DCDC2C: variants seen among roughly 807,000 people sequenced by gnomAD.
The protein encoded by DCDC2C is doublecortin domain-containing protein 2C.
Under a neutral mutation model 45.0 loss-of-function variants are expected in DCDC2C, and 44 were observed. That is an observed-to-expected ratio of 0.98 (90% CI 0.77 to 1.26). The LOEUF is 1.26. Among genes scored for constraint, DCDC2C ranks in the 50% most tolerant of loss-of-function variants. The pLI, the probability that DCDC2C is intolerant of heterozygous loss-of-function variation, is 0.00. For synonymous variants in DCDC2C, 187 were observed against 178.8 expected (o/e 1.05, Z -0.37); for missense variants, 447 against 468.9 (o/e 0.95, Z 0.43).
chr2:3,803,091 A>G (rs1182283806), intron 10 of DCDC2C, among the ~76,000 whole-genome samples: 5 of 152,172 alleles, frequency 3.3e-5, no homozygotes, highest in African/African-American at 7.2e-5. Flanking sequence ...TTCCATGCCA[A>G]TAGTTGATAT....
intron 10 of DCDC2C, among the ~76,000 whole-genome samples, chr2:3,825,515 C>G (rs1671793412): frequency 6.6e-6 from 1 of 152,052 alleles, no homozygotes; most frequent in South Asian, 2.1e-4. Context: ...GTTTTCTTTC[C>G]AAGTTAAAGC....
chr2:3,735,566 C>T (rs1329989079), intron 3 of DCDC2C, among the ~76,000 whole-genome samples: 4 of 152,092 alleles, frequency 2.6e-5, no homozygotes, highest in Non-Finnish European at 4.4e-5. Flanking sequence ...GAATTTTACC[C>T]GCATCAGATT....
chr2:3,704,057 CCCACGCGCCCT>C lies in DCDC2C; in HGVS notation c.287+20_287+30del. 1 of 1,245,572 alleles carries C rather than the reference CCCACGCGCCCT, an allele frequency of 8.0e-7. No individual in the cohort carries two copies. The highest frequency in any genetic ancestry group is 3.3e-5 in the South Asian group (1 of 30,170). 77.2% of individuals were successfully genotyped at this position (1,245,572 alleles called of 1,614,324 possible). On this transcript the variant is annotated intron_variant, in intron 1 of 10. Transcript: ENST00000399143. ...AGCTCGAGTAAGTGCGCCCGCGCCCCCCACGCGCCCTGCGCCCCTCCCCGCCCTCTTGGGTC... is the reference window on the plus strand; with the variant it reads ...AGCTCGAGTAAGTGCGCCCGCGCCCCGCGCCCCTCCCCGCCCTCTTGGGTC...
At chr2:3,815,975 G>GTT (rs1191454444) in intron 10 of DCDC2C, among the ~76,000 whole-genome samples, 4 of 152,156 alleles carry the variant, frequency 2.6e-5, no homozygotes, top group Non-Finnish European at 4.4e-5. Context: ...ACAAAACAGT[G>GTT]TTGAAGCATT....
At chr2:3,828,264 A>G (rs953092145) in intron 10 of DCDC2C, among the ~76,000 whole-genome samples, 2 of 152,158 alleles carry the variant, frequency 1.3e-5, no homozygotes, top group Non-Finnish European at 2.9e-5. Flanking sequence ...GACAAAGGTG[A>G]CAATAGAAAC....
chr2:3,724,068 A>C (rs1668568452), intron 2 of DCDC2C, among the ~76,000 whole-genome samples: 1 of 152,046 alleles, frequency 6.6e-6, no homozygotes, highest in South Asian at 2.1e-4. Flanking sequence ...CCTTTTATGA[A>C]ATGTTCTCAT....
intron 4 of DCDC2C, among the ~76,000 whole-genome samples, chr2:3,746,074 G>A (rs572076619): frequency 3.3e-5 from 5 of 152,136 alleles, no homozygotes; most frequent in South Asian, 2.1e-4. Flanking sequence ...GGAAAAAGGC[G>A]CTCGTAGAGG....
intron 2 of DCDC2C, among the ~76,000 whole-genome samples, chr2:3,724,845 A>G (rs1668593753): frequency 6.6e-6 from 1 of 152,088 alleles, no homozygotes; most frequent in African/African-American, 2.4e-5. Context: ...CCCCTGGCAG[A>G]GGTGAGGTTC....
At chr2:3,707,512 A>G (rs1399695818) in intron 1 of DCDC2C, among the ~76,000 whole-genome samples, 2 of 152,242 alleles carry the variant, frequency 1.3e-5, no homozygotes, top group Non-Finnish European at 2.9e-5. Flanking sequence ...TGTTCAGTTC[A>G]TACAATTTTC....
chr2:3,742,407 G>C (rs896337926), intron 4 of DCDC2C, among the ~76,000 whole-genome samples: 1 of 152,188 alleles, frequency 6.6e-6, no homozygotes. Context: ...GAGGAGCCAG[G>C]CCTGGGGGAG....
intron 8 of DCDC2C, among the ~76,000 whole-genome samples, chr2:3,772,354 G>T (rs766672359): frequency 6.6e-6 from 1 of 152,198 alleles, no homozygotes; most frequent in African/African-American, 2.4e-5. Context: ...GATGTGGCCC[G>T]TCCTTGGCCC....
intron 4 of DCDC2C, among the ~76,000 whole-genome samples, chr2:3,744,920 G>T (rs1294875648): frequency 6.6e-6 from 1 of 152,198 alleles, no homozygotes; most frequent in East Asian, 1.9e-4. Flanking sequence ...ATAAAGCTGT[G>T]TGCAGTAGAT....
chr2:3,776,284 C>T (rs1670333575), intron 8 of DCDC2C, among the ~76,000 whole-genome samples: 1 of 152,202 alleles, frequency 6.6e-6, no homozygotes, highest in Admixed American at 6.5e-5. Context: ...TCTCAGTCCT[C>T]TTTGAGCGTG....
intron 2 of DCDC2C, among the ~76,000 whole-genome samples, chr2:3,711,380 T>C (rs771928073): frequency 2.6e-5 from 4 of 151,756 alleles, no homozygotes; most frequent in Admixed American, 6.6e-5. Flanking sequence ...AGAAAAGACA[T>C]GGAACCAACC....
chr2:3,847,074 C>A, intron 10 of DCDC2C, 80 bp from the exon 11 acceptor site: 1 of 1,015,968 alleles, frequency 9.8e-7, no homozygotes, highest in Non-Finnish European at 1.3e-6. Flanking sequence ...ATGCAAGCTC[C>A]TGAGAGAACC....
chr2:3,719,124 C>T (rs11674885), intron 2 of DCDC2C, among the ~76,000 whole-genome samples: 2,320 of 151,758 alleles, frequency 0.015, 46 homozygotes, highest in African/African-American at 0.053. Flanking sequence ...CTCGCTCTGT[C>T]GCCCAGGCTG....
chr2:3,821,090 T>C (rs1156476952), intron 10 of DCDC2C, among the ~76,000 whole-genome samples: 1 of 151,786 alleles, frequency 6.6e-6, no homozygotes. Flanking sequence ...TTTTATAGGA[T>C]TTGGGTAGGT....
chr2:3,778,815 G>C lies in DCDC2C; in HGVS notation c.955-1G>C, dbSNP rs1167362443. 1 of 1,550,922 alleles carries C rather than the reference G, an allele frequency of 6.4e-7. No individual in the cohort carries two copies. The highest frequency in any genetic ancestry group is 2.0e-5 in the Admixed American group (1 of 50,992). The stretch of plus-strand genomic sequence containing the variant: ...TAAAATGTGGTGTATTTTCTCCCCA[G>C]AGACAAGCTGAGATAGTTAAAGAAG... On this transcript the variant is annotated splice_acceptor_variant, in intron 8 of 10. Coordinates refer to ENST00000399143, the MANE Select transcript of DCDC2C (RefSeq NM_001287444.2). LOFTEE classifies it high-confidence loss of function.
intron 9 of DCDC2C, 22 bp downstream of exon 9, chr2:3,778,906 T>C (rs1378325127): frequency 3.2e-6 from 5 of 1,548,700 alleles, no homozygotes; most frequent in Non-Finnish European, 4.4e-6. Flanking sequence ...TTATTTTGTG[T>C]TTAATGGCTT....
Sources: allele counts gnomAD v4.1 joint callset (sites outside exome capture counted in the v4.1 genomes callset), GRCh38; gene constraint gnomAD v4.1.1; transcripts MANE v1.5; gene names NCBI Gene and HGNC (gene_info 2026-07-23, HGNC 2026-07-21).